Variants in DDX6 observed in about 807,000 individuals in gnomAD.
DDX6 encodes the protein probable ATP-dependent RNA helicase DDX6.
A neutral mutation model predicts 60.6 loss-of-function variants in DDX6; 7 were observed. The observed-to-expected ratio is 0.12, with a 90% confidence interval of 0.07 to 0.22. The LOEUF (loss-of-function observed/expected upper bound fraction) is 0.22. Among genes scored for constraint, DDX6 ranks in the 10% least tolerant of loss-of-function variants. The probability of loss-of-function intolerance (pLI) is 1.00; values close to 1 mark genes in which losing one functional copy is unlikely to be tolerated. For missense variants in DDX6, 270 were observed against 589.9 expected, an observed-to-expected ratio of 0.46 and a Z score of 5.62; for synonymous variants, 207 against 201.0, an observed-to-expected ratio of 1.03 and a Z score of -0.25.
chr11:118,763,085 A>G, intron 7 of DDX6, 127 bp downstream of exon 7: 1 of 606,122 alleles, frequency 1.6e-6, no homozygotes, highest in Non-Finnish European at 2.8e-6. Flanking sequence ...AAGCAAATTA[A>G]TTTAAACTGA....
At chr11:118,784,988 G>A (rs939637298) in intron 2 of DDX6, among the ~76,000 whole-genome samples, 1 of 152,122 alleles carries the variant, frequency 6.6e-6, no homozygotes, top group African/African-American at 2.4e-5. Context: ...GGCTGGTCTC[G>A]AACTCCCGAC....
At chr11:118,759,376 A>T (rs1861090642) in intron 8 of DDX6, 1 of 154,648 alleles carries the variant, frequency 6.5e-6, no homozygotes, top group Admixed American at 6.4e-5. Context: ...ATAAATTAAG[A>T]TATAAGATCT....
chr11:118,757,032 G>A (rs1861001387), intron 10 of DDX6, 139 bp downstream of exon 10: 1 of 457,846 alleles, frequency 2.2e-6, no homozygotes, highest in Non-Finnish European at 3.9e-6. Flanking sequence ...AATTGAACCT[G>A]AGGGAGGTCA....
At chr11:118,767,001 T>C (rs931389181) in intron 5 of DDX6, among the ~76,000 whole-genome samples, 9 of 152,078 alleles carry the variant, frequency 5.9e-5, no homozygotes, top group African/African-American at 2.2e-4. Context: ...TTCTCCTGCC[T>C]CAGCCTCCTT....
chr11:118,786,009 G>A (rs764854999), intron 2 of DDX6, 43 bp downstream of exon 2: 3 of 1,561,746 alleles, frequency 1.9e-6, no homozygotes, highest in South Asian at 1.2e-5. Flanking sequence ...CACAAATCTT[G>A]GTTCCCCACA....
At chr11:118,771,123 T>C (rs1424032388) in intron 4 of DDX6, among the ~76,000 whole-genome samples, 7 of 152,206 alleles carry the variant, frequency 4.6e-5, no homozygotes, top group African/African-American at 1.7e-4. Context: ...GTGGTGCCAG[T>C]AGTCTGTAGT....
intron 1 of DDX6, chr11:118,788,707 T>C (rs1206426967): frequency 6.6e-6 from 1 of 151,982 alleles, no homozygotes; most frequent in Non-Finnish European, 1.5e-5. Flanking sequence ...CTATTATTTT[T>C]GAGACAGAGT....
chr11:118,769,687 AT>A (rs1293081973), intron 4 of DDX6, among the ~76,000 whole-genome samples: 2 of 152,082 alleles, frequency 1.3e-5, no homozygotes, highest in Non-Finnish European at 2.9e-5. Context: ...TCGTTGAAAA[AT>A]TGTTAAAAGG....
chr11:118,761,790 T>C (rs1477706815), intron 7 of DDX6, among the ~76,000 whole-genome samples: 1 of 151,688 alleles, frequency 6.6e-6, no homozygotes, highest in Non-Finnish European at 1.5e-5. Context: ...AATTAGAAGT[T>C]GGATGTCTAC....
intron 6 of DDX6, 86 bp downstream of exon 6, chr11:118,765,123 C>T: frequency 6.6e-7 from 1 of 1,512,260 alleles, no homozygotes; most frequent in South Asian, 1.2e-5. Context: ...TTCCTTAATT[C>T]TTAAAAACAA....
At position 118,750,271 on chromosome 11, in the gene DDX6, A is replaced by G. The variant is rs1480595408; in HGVS notation, c.*1834T>C. On this transcript the variant is annotated 3_prime_UTR_variant, in exon 14 of 14. Coordinates refer to ENST00000534980, the MANE Select transcript of DDX6 (RefSeq NM_004397.6). Reference sequence around the variant, plus strand: ...AAGGGAATTAAAAACATTAAAAAAAAAAGTTCACTGGTTTTGATTCATCTC... The same window carrying G: ...AAGGGAATTAAAAACATTAAAAAAAGAAGTTCACTGGTTTTGATTCATCTC... 6.6e-6 allele frequency: 1 copy of G among 152,656 alleles called. No individual in the cohort carries two copies. The highest frequency in any genetic ancestry group is 1.9e-4 in the East Asian group (1 of 5,188). The allele number at this position is 152,656 out of a possible 1,614,324, so 9.5% of individuals were successfully genotyped here. A position where few individuals can be genotyped will look rare whatever the true frequency, so the allele number is the denominator to read the frequency against.
intron 2 of DDX6, among the ~76,000 whole-genome samples, chr11:118,784,295 T>C (rs1403136767): frequency 6.6e-6 from 1 of 152,078 alleles, no homozygotes; most frequent in East Asian, 1.9e-4. Context: ...TTAGAGGTCC[T>C]AGTGAACCAC....
intron 8 of DDX6, 136 bp from the exon 9 acceptor site, chr11:118,759,038 T>C: frequency 8.6e-7 from 1 of 1,166,174 alleles, no homozygotes; most frequent in Non-Finnish European, 1.2e-6. Context: ...CAAAACAAAA[T>C]ATATGATCTG....
chr11:118,779,373 G>A (rs187202264), intron 4 of DDX6, among the ~76,000 whole-genome samples: 2 of 152,152 alleles, frequency 1.3e-5, no homozygotes, highest in Admixed American at 6.6e-5. Flanking sequence ...AATGACAGAT[G>A]AGATAGAAGT....
At chr11:118,756,021 C>G (rs375583768) in intron 11 of DDX6, among the ~76,000 whole-genome samples, 1 of 121,260 alleles carries the variant, frequency 8.2e-6, no homozygotes, top group Non-Finnish European at 1.7e-5. Context: ...CCCCCTCCCC[C>G]CCCCCCCCAA....
At position 118,751,058 on chromosome 11, in the gene DDX6, T is replaced by C. The variant is rs1555157143; in HGVS notation, c.*1047A>G. The C allele has an allele frequency of 1.6e-5, 2 of 126,744 alleles. No homozygotes were observed. Among genetic ancestry groups the C allele is most frequent in the Non-Finnish European group, 3.4e-5 (2 of 58,642 alleles). 7.9% of individuals were successfully genotyped at this position (126,744 alleles called of 1,614,324 possible). Reference sequence around the variant, plus strand: ...AGCAACCTTCATCCAAAAAAAAATATATATATATGTATATATATATATATA... The same window carrying C: ...AGCAACCTTCATCCAAAAAAAAATACATATATATGTATATATATATATATA... On this transcript the variant is annotated 3_prime_UTR_variant, in exon 14 of 14. Coordinates refer to ENST00000534980, the MANE Select transcript of DDX6 (RefSeq NM_004397.6).
Position 118,754,980 on chromosome 11 carries a change from GATA to G in DDX6, c.1277-96_1277-94del, listed in dbSNP as rs1350451275. 211 of 1,094,522 alleles carry G rather than the reference GATA, an allele frequency of 1.9e-4. No individual in the cohort carries two copies. The Middle Eastern group carries it at 2.1e-3, about 11-fold the overall frequency. The allele number at this position is 1,094,522 out of a possible 1,614,324, so 67.8% of individuals were successfully genotyped here. On this transcript the variant is annotated intron_variant, in intron 12 of 13. Transcript: ENST00000534980. The stretch of plus-strand genomic sequence containing the variant: ...AGCAGTGGCAAAACCACACAGGATT[GATA>G]ATGATGTTCAGTGCCATTCTTAGTA...
intron 2 of DDX6, among the ~76,000 whole-genome samples, chr11:118,785,345 A>G (rs1023192657): frequency 1.3e-5 from 2 of 151,942 alleles, no homozygotes; most frequent in Non-Finnish European, 2.9e-5. Flanking sequence ...TTCCCTTTTT[A>G]TATGTAAAAG....
chr11:118,760,139 A>C, intron 7 of DDX6, 95 bp from the exon 8 acceptor site: 1 of 1,142,418 alleles, frequency 8.8e-7, no homozygotes, highest in Non-Finnish European at 1.2e-6. Context: ...CATCCAACAA[A>C]AGCATCCATG....
Sources: gnomAD v4.1 joint callset for allele counts (sites outside exome capture counted in the v4.1 genomes callset) on GRCh38, gnomAD v4.1.1 for gene constraint, MANE v1.5 for transcripts, NCBI Gene and HGNC (gene_info 2026-07-23, HGNC 2026-07-21) for gene names.